The following NINL variants were observed in gnomAD, a reference collection of about 807,000 sequenced individuals.
NINL encodes the protein ninein-like protein.
NINL carries 153 observed loss-of-function variants against 160.3 expected under a neutral mutation model. The ratio of observed to expected loss-of-function variants is 0.95; its 90% CI spans 0.84 to 1.09. The LOEUF is 1.09. Among genes scored for constraint, NINL ranks in the 50% least tolerant of loss-of-function variants. The pLI is 0.00. For synonymous variants in NINL, 800 were observed against 734.8 expected (o/e 1.09, Z -1.43); for missense variants, 1,829 against 1,764.0 (o/e 1.04, Z -0.66).
chr20:25,490,563 G>GAAAA (rs59001259), intron 11 of NINL, among the ~76,000 whole-genome samples: 2 of 79,776 alleles, frequency 2.5e-5, no homozygotes, highest in African/African-American at 4.3e-5. Context: ...CCATCTCAAG[G>GAAAA]AAAAAAAAAA....
At chr20:25,583,802 G>C (rs560365785) in intron 1 of NINL, among the ~76,000 whole-genome samples, 1 of 152,294 alleles carries the variant, frequency 6.6e-6, no homozygotes, top group African/African-American at 2.4e-5. Context: ...CCATAAAAAA[G>C]AATGAGTTCA....
Position 25,531,366 on chromosome 20 carries a change from C to T in NINL, c.-11-4768G>A, listed in dbSNP as rs549254423. On this transcript the variant is annotated intron_variant, in intron 1 of 23. Coordinates refer to ENST00000278886, the MANE Select transcript of NINL (RefSeq NM_025176.6). ...GGCGACATACACCCTCCTCAGCTTA[C>T]GAAAATGATGATGAGATTAAGAGAT... is the stretch of plus-strand genomic sequence containing the variant. 4.6e-5 allele frequency among the ~76,000 whole-genome samples: 7 copies of T among 151,988 alleles called. No individual in the cohort carries two copies. In the East Asian group the frequency reaches 1.4e-3, roughly 29 times the overall value.
chr20:25,511,277 C>T (rs1308872973), intron 4 of NINL, among the ~76,000 whole-genome samples: 8 of 152,152 alleles, frequency 5.3e-5, no homozygotes, highest in African/African-American at 1.4e-4. Flanking sequence ...CCAAGGGCTC[C>T]GGGATAGCAC....
At chr20:25,484,311 G>A (rs904199843) in intron 13 of NINL, among the ~76,000 whole-genome samples, 3 of 152,204 alleles carry the variant, frequency 2.0e-5, no homozygotes, top group Non-Finnish European at 4.4e-5. Context: ...AGACCGACCA[G>A]AAAGATGCCC....
chr20:25,509,485 G>A (rs2064028390), intron 5 of NINL, among the ~76,000 whole-genome samples: 1 of 152,232 alleles, frequency 6.6e-6, no homozygotes, highest in African/African-American at 2.4e-5. Context: ...AGGGCCTGGT[G>A]TGAACCTCAG....
In NINL at chr20:25,453,456, CAG is replaced by C. The variant is rs142680711; in HGVS notation, c.4142_4143del (p.Ser1381CysfsTer17). 721 of 1,605,846 alleles carry C rather than the reference CAG, an allele frequency of 4.5e-4. 12 individuals carry two copies. The East Asian group carries it at 0.013, about 30-fold the overall frequency. ...TCCTAGAAAATAATCTGTCTTTACA[CAG>C]AGAGGGCTGCGGGGGCAATCCTACT... ...LVSRIAPAAL[S>X]V On this transcript the variant is annotated frameshift_variant, in exon 24 of 24. Coordinates refer to ENST00000278886, the MANE Select transcript of NINL (RefSeq NM_025176.6). LOFTEE classifies it high-confidence loss of function.
At chr20:25,524,543 CAT>C (rs1568941260) in intron 2 of NINL, among the ~76,000 whole-genome samples, 1 of 152,182 alleles carries the variant, frequency 6.6e-6, no homozygotes, top group East Asian at 1.9e-4. Context: ...TCCCCACACA[CAT>C]ATGAGAAGCC....
At chr20:25,483,165 C>T (rs2146598639) in intron 13 of NINL, among the ~76,000 whole-genome samples, 1 of 151,328 alleles carries the variant, frequency 6.6e-6, no homozygotes, top group East Asian at 1.9e-4. Flanking sequence ...AAACCCCGGT[C>T]TCTACTAAAA....
intron 18 of NINL, among the ~76,000 whole-genome samples, chr20:25,467,672 C>T (rs559971344): frequency 2.0e-5 from 3 of 152,300 alleles, no homozygotes; most frequent in East Asian, 1.9e-4. Flanking sequence ...TCCCAAACCA[C>T]GAAGACTTTA....
At chr20:25,464,927 C>A (rs2062876353) in intron 19 of NINL, among the ~76,000 whole-genome samples, 1 of 152,206 alleles carries the variant, frequency 6.6e-6, no homozygotes, top group African/African-American at 2.4e-5. Flanking sequence ...GTGCAGGGAG[C>A]TGCATCAGGA....
At chr20:25,509,781 C>A in intron 5 of NINL, 1 of 450,714 alleles carries the variant, frequency 2.2e-6, no homozygotes, top group Non-Finnish European at 4.4e-6. Flanking sequence ...CTTTTCTATC[C>A]AAAATACTCT....
chr20:25,473,667 T>TACAC (rs1461389047), intron 17 of NINL, among the ~76,000 whole-genome samples: 2 of 85,746 alleles, frequency 2.3e-5, no homozygotes, highest in African/African-American at 9.2e-5. Flanking sequence ...GTAGTAAAAA[T>TACAC]ACACACATAC....
At position 25,517,823 on chromosome 20, in the gene NINL, ACCTT is replaced by A; in HGVS notation, c.203_206del (p.Glu68ValfsTer35). ...CATTTGAAGACAACACAGCCACAAA[ACCTT>A]CCTTAAATTCCTCAAAGTTAACCTG... On this transcript the variant is annotated frameshift_variant, in exon 3 of 24. Transcript: ENST00000278886. LOFTEE classifies it high-confidence loss of function. The A allele has an allele frequency of 6.2e-7, 1 of 1,608,390 alleles. No individual in the cohort carries two copies. The highest frequency in any genetic ancestry group is 8.5e-7 in the Non-Finnish European group (1 of 1,178,620).
At chr20:25,549,717 C>A (rs6037138) in intron 1 of NINL, among the ~76,000 whole-genome samples, 1,695 of 152,330 alleles carry the variant, frequency 0.011, 14 homozygotes, top group African/African-American at 0.028. Context: ...CACGGAAAGC[C>A]CACTCGGACC....
intron 13 of NINL, among the ~76,000 whole-genome samples, chr20:25,484,824 T>A (rs2063475526): frequency 6.6e-6 from 1 of 152,224 alleles, no homozygotes; most frequent in Non-Finnish European, 1.5e-5. Flanking sequence ...GAAGGCAGTA[T>A]ATTTGCATGG....
At chr20:25,566,821 C>T (rs1220590157) in intron 1 of NINL, among the ~76,000 whole-genome samples, 1 of 151,832 alleles carries the variant, frequency 6.6e-6, no homozygotes, top group African/African-American at 2.4e-5. Context: ...ACAACAACAA[C>T]AACAAAAATG....
chr20:25,498,908 G>A (rs570457814), intron 8 of NINL: 16 of 985,278 alleles, frequency 1.6e-5, no homozygotes, highest in South Asian at 4.7e-5. Context: ...CAGAACAGCC[G>A]GCATTTTACT....
At position 25,499,857 on chromosome 20, in the gene NINL, A is replaced by T. The variant is rs2063830943; in HGVS notation, c.1032+983T>A. Among the ~76,000 whole-genome samples the T allele has an allele frequency of 2.0e-5, 3 of 149,464 alleles. No individual in the cohort carries two copies. In the South Asian group the frequency reaches 6.3e-4, roughly 31 times the overall value. Reference sequence around the variant, plus strand: ...AATGCTGGCACAGCAGCAAGAGGACATCGTTGCATTATAAATGCCCAGATT... The same window carrying T: ...AATGCTGGCACAGCAGCAAGAGGACTTCGTTGCATTATAAATGCCCAGATT... On this transcript the variant is annotated intron_variant, in intron 8 of 23. Coordinates refer to ENST00000278886, the MANE Select transcript of NINL (RefSeq NM_025176.6).
At chr20:25,527,070 T>A (rs986521378) in intron 1 of NINL, among the ~76,000 whole-genome samples, 2 of 151,990 alleles carry the variant, frequency 1.3e-5, no homozygotes, top group African/African-American at 4.8e-5. Context: ...AATAGAGATA[T>A]GTAGTATAAA....
Sources: gnomAD v4.1 joint callset for allele counts (sites outside exome capture counted in the v4.1 genomes callset) on GRCh38, gnomAD v4.1.1 for gene constraint, MANE v1.5 for transcripts, NCBI Gene and HGNC (gene_info 2026-07-23, HGNC 2026-07-21) for gene names.